The following YAP1 variants were observed in gnomAD, a reference collection of about 807,000 sequenced individuals.
The protein encoded by YAP1 is Yes1 associated transcriptional regulator.
In YAP1, 5 loss-of-function variants were observed where a neutral mutation model predicts 56.9. The observed-to-expected ratio is 0.09, with a 90% CI of 0.05 to 0.18. YAP1 has a LOEUF of 0.18. Ranked by LOEUF, YAP1 falls within the 10% of genes least tolerant of loss-of-function variation. The probability of loss-of-function intolerance (pLI) is 1.00; values close to 1 mark genes in which losing one functional copy is unlikely to be tolerated. For synonymous variants in YAP1, 265 were observed against 248.1 expected (o/e 1.07, Z -0.64); for missense variants, 539 against 651.8 (o/e 0.83, Z 1.88).
intron 4 of YAP1, among the ~76,000 whole-genome samples, chr11:102,196,070 ATCC>A (rs1169159342): frequency 1.3e-5 from 2 of 152,236 alleles, no homozygotes; most frequent in African/African-American, 4.8e-5. Context: ...AGAAATTGGA[ATCC>A]TCATACATTG....
intron 3 of YAP1, among the ~76,000 whole-genome samples, chr11:102,181,855 C>A (rs909755803): frequency 9.9e-5 from 15 of 152,032 alleles, no homozygotes; most frequent in African/African-American, 3.6e-4. Context: ...GGAGTCTCAC[C>A]CTGTTGCCCA....
chr11:102,111,952 C>T (rs1332597455), intron 1 of YAP1, among the ~76,000 whole-genome samples: 3 of 152,138 alleles, frequency 2.0e-5, no homozygotes, highest in Non-Finnish European at 4.4e-5. Flanking sequence ...TTCACCCCTG[C>T]TCTTCCCTTG....
chr11:102,143,444 C>A (rs1945131133), intron 2 of YAP1, among the ~76,000 whole-genome samples: 1 of 152,136 alleles, frequency 6.6e-6, no homozygotes, highest in African/African-American at 2.4e-5. Flanking sequence ...TTTTTCATAT[C>A]ATCAAATACA....
chr11:102,158,860 A>G (rs1484118784), intron 2 of YAP1, among the ~76,000 whole-genome samples: 1 of 152,232 alleles, frequency 6.6e-6, no homozygotes, highest in Admixed American at 6.5e-5. Context: ...TAAGGGTTAT[A>G]GATTCAGCAT....
At chr11:102,136,200 A>G (rs926148462) in intron 2 of YAP1, among the ~76,000 whole-genome samples, 6 of 152,146 alleles carry the variant, frequency 3.9e-5, no homozygotes, top group Non-Finnish European at 5.9e-5. Context: ...GCATATTTTC[A>G]TATACATTTT....
chr11:102,148,519 T>G (rs1043277549), intron 2 of YAP1, among the ~76,000 whole-genome samples: 1 of 152,148 alleles, frequency 6.6e-6, no homozygotes, highest in Admixed American at 6.6e-5. Flanking sequence ...ACACTGATGG[T>G]TTTTGGATGG....
chr11:102,203,604 A>G lies in YAP1; in HGVS notation c.803-2289A>G, dbSNP rs572664322. 3.3e-5 allele frequency among the ~76,000 whole-genome samples: 5 copies of G among 152,324 alleles called. No individual in the cohort carries two copies. In the South Asian group the frequency reaches 1.0e-3, roughly 32 times the overall value. Reference sequence around the variant, plus strand: ...GCCATGTATTAACAATTGGGAAGAAAGCGAGTGATGAGTACACAAGGATTC... The same window carrying G: ...GCCATGTATTAACAATTGGGAAGAAGGCGAGTGATGAGTACACAAGGATTC... On this transcript the variant is annotated intron_variant, in intron 4 of 8. Transcript: ENST00000282441.
chr11:102,124,387 A>G (rs1239155089), intron 2 of YAP1, among the ~76,000 whole-genome samples: 1 of 152,146 alleles, frequency 6.6e-6, no homozygotes, highest in African/African-American at 2.4e-5. Flanking sequence ...TTCATTGTCA[A>G]CAATGCCTAG....
intron 6 of YAP1, among the ~76,000 whole-genome samples, chr11:102,220,971 A>G (rs1381307130): frequency 6.6e-6 from 1 of 152,234 alleles, no homozygotes; most frequent in Non-Finnish European, 1.5e-5. Flanking sequence ...GTCTCAAAAC[A>G]TGACTTAAGA....
intron 2 of YAP1, among the ~76,000 whole-genome samples, chr11:102,150,299 A>G (rs1945562874): frequency 6.6e-6 from 1 of 152,040 alleles, no homozygotes; most frequent in South Asian, 2.1e-4. Flanking sequence ...ACTACTTTGC[A>G]CAGAAATTAG....
intron 4 of YAP1, among the ~76,000 whole-genome samples, chr11:102,205,403 G>T (rs1949067664): frequency 6.6e-6 from 1 of 152,130 alleles, no homozygotes; most frequent in Non-Finnish European, 1.5e-5. Flanking sequence ...TATTTCATAA[G>T]AAGTAATGAA....
intron 3 of YAP1, among the ~76,000 whole-genome samples, chr11:102,184,251 A>G (rs1947824213): frequency 6.6e-6 from 1 of 152,216 alleles, no homozygotes; most frequent in South Asian, 2.1e-4. Context: ...GCTTTTTATA[A>G]TTCAGCCATT....
chr11:102,224,567 C>T lies in YAP1; in HGVS notation c.1163+815C>T, dbSNP rs371371494. The stretch of plus-strand genomic sequence containing the variant: ...GTATTTTGCACTAGGAAAACTATTA[C>T]ACCACCTTTTCAGTTCTCACCAATT... On this transcript the variant is annotated intron_variant, in intron 7 of 8. Transcript: ENST00000282441. 1.2e-4 allele frequency among the ~76,000 whole-genome samples: 19 copies of T among 152,280 alleles called. No homozygotes were observed. The East Asian group carries it at 1.9e-3, about 15-fold the overall frequency.
At chr11:102,194,500 G>A (rs2135546035) in intron 4 of YAP1, among the ~76,000 whole-genome samples, 1 of 152,294 alleles carries the variant, frequency 6.6e-6, no homozygotes, top group African/African-American at 2.4e-5. Context: ...ATTTATTTAT[G>A]CAACAAAAGT....
At chr11:102,120,500 G>A (rs1324938063) in intron 2 of YAP1, among the ~76,000 whole-genome samples, 1 of 152,152 alleles carries the variant, frequency 6.6e-6, no homozygotes, top group Non-Finnish European at 1.5e-5. Flanking sequence ...CTTTATTTGT[G>A]GTTAGTGCCA....
chr11:102,115,415 T>C (rs186518050), intron 2 of YAP1, among the ~76,000 whole-genome samples: 79 of 152,300 alleles, frequency 5.2e-4, no homozygotes, highest in African/African-American at 1.9e-3. Flanking sequence ...TAAGGATGTT[T>C]TGTTGTGTGA....
intron 4 of YAP1, among the ~76,000 whole-genome samples, chr11:102,204,133 C>T (rs997427643): frequency 4.7e-5 from 7 of 149,778 alleles, no homozygotes; most frequent in East Asian, 2.0e-4. Flanking sequence ...GTATGATGCT[C>T]GCCTGCAGTC....
chr11:102,112,766 C>G, intron 1 of YAP1: 1 of 985,262 alleles, frequency 1.0e-6, no homozygotes, highest in Admixed American at 6.1e-5. Context: ...TTCTCTTACC[C>G]CTCGAAGTGG....
chr11:102,129,218 C>G lies in YAP1; in HGVS notation c.572+14824C>G, dbSNP rs1369133237. Among the ~76,000 whole-genome samples, 4 of 151,774 alleles carry G rather than the reference C, an allele frequency of 2.6e-5. No homozygotes were observed. In the South Asian group the frequency reaches 8.3e-4, roughly 32 times the overall value. ...AGCCTGTGTTCAGTCCCTAATAGAC[C>G]ATTGTTGATGTCATAGAATAATTTT... On this transcript the variant is annotated intron_variant, in intron 2 of 8. Transcript: ENST00000282441.
Sources: allele counts gnomAD v4.1 joint callset (sites outside exome capture counted in the v4.1 genomes callset), GRCh38; gene constraint gnomAD v4.1.1; transcripts MANE v1.5; gene names NCBI Gene and HGNC (gene_info 2026-07-23, HGNC 2026-07-21).